The following FNDC3B variants were observed in gnomAD, a reference collection of about 807,000 sequenced individuals.
FNDC3B encodes the protein fibronectin type III domain-containing protein 3B.
A neutral mutation model predicts 151.5 loss-of-function variants in FNDC3B; 12 were observed. The ratio of observed to expected loss-of-function variants is 0.08; its 90% CI spans 0.05 to 0.13. FNDC3B has a LOEUF of 0.13. Among genes scored for constraint, FNDC3B ranks in the 10% least tolerant of loss-of-function variants. FNDC3B has a pLI of 1.00. For synonymous variants in FNDC3B, 528 were observed against 549.0 expected, an observed-to-expected ratio of 0.96 and a Z score of 0.54; for missense variants, 1,214 against 1,505.3, an observed-to-expected ratio of 0.81 and a Z score of 3.20.
intron 11 of FNDC3B, among the ~76,000 whole-genome samples, chr3:172,328,691 CA>C (rs1388913993): frequency 6.6e-6 from 1 of 151,738 alleles, no homozygotes. Flanking sequence ...TTTTATTAAC[CA>C]AAAAAACCAC....
At chr3:172,077,790 C>T (rs1253344217) in intron 1 of FNDC3B, among the ~76,000 whole-genome samples, 9 of 152,046 alleles carry the variant, frequency 5.9e-5, no homozygotes, top group African/African-American at 2.2e-4. Flanking sequence ...CAAAGATGGA[C>T]TGGAATAGTA....
intron 19 of FNDC3B, among the ~76,000 whole-genome samples, chr3:172,345,612 A>G (rs1374574847): frequency 1.3e-5 from 2 of 151,926 alleles, no homozygotes; most frequent in East Asian, 3.9e-4. Flanking sequence ...TTTTTCTCTC[A>G]TTTTGACAAG....
chr3:172,362,807 C>T lies in FNDC3B; in HGVS notation c.2970C>T (p.Asp990=). 1 of 1,613,924 alleles carries T rather than the reference C, an allele frequency of 6.2e-7. No individual in the cohort carries two copies. The highest frequency in any genetic ancestry group is 8.5e-7 in the Non-Finnish European group (1 of 1,179,936). ...ACTCCAAGACACATGCTGCTGAGGACATTGTGTACACACTACAGCTGGAGG... is the reference window on the plus strand; with the variant it reads ...ACTCCAAGACACATGCTGCTGAGGATATTGTGTACACACTACAGCTGGAGG... ...DSNSKTHAAE[D]IVYTLQLEDR... The change falls in exon 23 of 26, where the codon GAC becomes GAT. Residue 990 remains aspartate (D), a synonymous_variant. Coordinates refer to ENST00000415807, the MANE Select transcript of FNDC3B (RefSeq NM_022763.4).
intron 4 of FNDC3B, among the ~76,000 whole-genome samples, chr3:172,232,677 G>A (rs918414728): frequency 2.6e-5 from 4 of 152,152 alleles, no homozygotes; most frequent in African/African-American, 4.8e-5. Flanking sequence ...ATTTAGGTAA[G>A]TGGGAATTTA....
intron 25 of FNDC3B, among the ~76,000 whole-genome samples, chr3:172,388,486 C>CGT (rs1735842537): frequency 6.6e-6 from 1 of 152,052 alleles, no homozygotes; most frequent in African/African-American, 2.4e-5. Flanking sequence ...CAAATGGAGC[C>CGT]ATGCCGTTTA....
intron 3 of FNDC3B, among the ~76,000 whole-genome samples, chr3:172,163,672 T>G (rs1433841235): frequency 1.3e-5 from 2 of 152,206 alleles, no homozygotes; most frequent in Non-Finnish European, 2.9e-5. Flanking sequence ...TTTTTTTCTT[T>G]TTTGCTACTG....
intron 3 of FNDC3B, among the ~76,000 whole-genome samples, chr3:172,144,327 C>T (rs1013648913): frequency 5.3e-5 from 8 of 152,168 alleles, no homozygotes; most frequent in Admixed American, 1.3e-4. Context: ...CCACCTCCAA[C>T]GTTGGGAGTC....
At chr3:172,164,067 G>C (rs746087112) in intron 3 of FNDC3B, among the ~76,000 whole-genome samples, 4 of 152,124 alleles carry the variant, frequency 2.6e-5, no homozygotes, top group Non-Finnish European at 5.9e-5. Context: ...AAGAAAAGTG[G>C]ACATTGGGCT....
rs528334201 is a variant in FNDC3B at position 172,175,129 on chromosome 3, G to C, written c.187+41583G>C. 3.8e-4 allele frequency among the ~76,000 whole-genome samples: 57 copies of C among 151,912 alleles called. 1 individual carries two copies. Among genetic ancestry groups the C allele is most frequent in the African/African-American group, 1.2e-3 (51 of 41,388 alleles). On this transcript the variant is annotated intron_variant, in intron 3 of 25. Transcript: ENST00000415807. ...TTCCCTGGATTTGTCTGACAGTCCAGGGTTCTTGTCTCCTTGCCGTTGTCT... is the reference window on the plus strand; with the variant it reads ...TTCCCTGGATTTGTCTGACAGTCCACGGTTCTTGTCTCCTTGCCGTTGTCT...
chr3:172,284,978 A>G (rs146187816), intron 6 of FNDC3B, among the ~76,000 whole-genome samples: 64 of 152,002 alleles, frequency 4.2e-4, no homozygotes, highest in African/African-American at 1.4e-3. Context: ...CAAGTTGCAG[A>G]TTCTTAAGTT....
chr3:172,308,266 A>G (rs1479916195), intron 10 of FNDC3B, among the ~76,000 whole-genome samples: 1 of 152,230 alleles, frequency 6.6e-6, no homozygotes, highest in African/African-American at 2.4e-5. Context: ...TACCAAAGAG[A>G]GATCATATTG....
chr3:172,394,146 C>T (rs954499976), intron 25 of FNDC3B, among the ~76,000 whole-genome samples: 2 of 78,322 alleles, frequency 2.6e-5, no homozygotes, highest in African/African-American at 4.1e-5. Context: ...ATGGATACAG[C>T]ACAAGTAGTT....
intron 1 of FNDC3B, among the ~76,000 whole-genome samples, chr3:172,101,054 G>A (rs1225561696): frequency 2.0e-5 from 3 of 152,082 alleles, no homozygotes; most frequent in Admixed American, 6.6e-5. Context: ...TCATAACATC[G>A]GTTCAGTTAA....
At chr3:172,116,114 G>A (rs1720233758) in intron 2 of FNDC3B, among the ~76,000 whole-genome samples, 1 of 152,168 alleles carries the variant, frequency 6.6e-6, no homozygotes, top group South Asian at 2.1e-4. Flanking sequence ...GAGGGAAAGG[G>A]CAAGAGTGAA....
chr3:172,083,984 T>C (rs1718416800), intron 1 of FNDC3B, among the ~76,000 whole-genome samples: 1 of 152,176 alleles, frequency 6.6e-6, no homozygotes, highest in Admixed American at 6.5e-5. Flanking sequence ...AGGAAATTTT[T>C]TTTTTCAGAC....
intron 14 of FNDC3B, among the ~76,000 whole-genome samples, chr3:172,333,427 T>A (rs1732782083): frequency 6.6e-6 from 1 of 151,924 alleles, no homozygotes; most frequent in Non-Finnish European, 1.5e-5. Flanking sequence ...GTTTAAGCAG[T>A]TCTCCTGCCT....
intron 10 of FNDC3B, among the ~76,000 whole-genome samples, chr3:172,308,113 C>T (rs1731285510): frequency 6.6e-6 from 1 of 152,098 alleles, no homozygotes; most frequent in African/African-American, 2.4e-5. Context: ...CAACCTAGAA[C>T]ATTTAGTGAT....
At chr3:172,377,886 A>G (rs1197558861) in intron 23 of FNDC3B, among the ~76,000 whole-genome samples, 1 of 152,228 alleles carries the variant, frequency 6.6e-6, no homozygotes, top group African/African-American at 2.4e-5. Flanking sequence ...GTGTCCTGTT[A>G]ACATTAACTT....
intron 22 of FNDC3B, among the ~76,000 whole-genome samples, chr3:172,360,437 T>C (rs1274511609): frequency 2.0e-5 from 3 of 152,240 alleles, no homozygotes; most frequent in Admixed American, 2.0e-4. Context: ...GTTTCAAATT[T>C]TGATGAAATC....
Sources: allele counts gnomAD v4.1 joint callset (sites outside exome capture counted in the v4.1 genomes callset), GRCh38; gene constraint gnomAD v4.1.1; transcripts MANE v1.5; gene names NCBI Gene and HGNC (gene_info 2026-07-23, HGNC 2026-07-21).